CDC20: variants seen among roughly 807,000 people sequenced by gnomAD.
The protein encoded by CDC20 is cell division cycle protein 20 homolog.
Under a neutral mutation model 60.0 loss-of-function variants are expected in CDC20, and 34 were observed. The observed-to-expected ratio is 0.57, with a 90% CI of 0.43 to 0.75. The LOEUF (loss-of-function observed/expected upper bound fraction) is 0.75, where lower values mean the gene tolerates loss of function less well. CDC20 is among the 30% of genes least tolerant of loss of function. CDC20 has a pLI of 0.00. For missense variants in CDC20, 469 were observed against 647.3 expected (o/e 0.72, Z 2.99); for synonymous variants, 198 against 243.5 (o/e 0.81, Z 1.74).
chr1:43,359,516 A>T lies in CDC20; in HGVS notation c.208A>T (p.Thr70Ser). Residue 70 changes from threonine to serine, a missense_variant, in exon 3 of 11, where the codon ACT (threonine) becomes TCT (serine). Physicochemically the swap from Thr to Ser is moderately conservative, Grantham distance 58. Transcript: ENST00000310955. ...PGKSSSKVQT[T>S]PSKPGGDRYI... is the part of the protein sequence containing the mutation. ...CAAATCCAGTTCCAAGGTTCAGACC[A>T]CTCCTAGCAAACCTGGCGGTGACCG... The T allele has an allele frequency of 6.2e-7, 1 of 1,613,928 alleles. No homozygotes were observed. The highest frequency in any genetic ancestry group is 1.1e-5 in the South Asian group (1 of 91,060).
rs1557472861 is a variant in CDC20, at chr1:43,359,336, TCACC to T, written c.124_127del (p.Pro42CysfsTer53). 1 of 1,612,972 alleles carries T rather than the reference TCACC, an allele frequency of 6.2e-7. No individual in the cohort carries two copies. ...CAAGGAAGCCGCAGGCCCGGCCCCC[TCACC>T]CATGCGGGCCGCCAACCGATCCCAC... is the stretch of plus-strand genomic sequence containing the variant. On this transcript the variant is annotated frameshift_variant, in exon 2 of 11. Transcript: ENST00000310955. LOFTEE classifies it high-confidence loss of function.
intron 9 of CDC20, 29 bp downstream of exon 9, chr1:43,361,274 C>T (rs762420960): frequency 4.5e-6 from 7 of 1,543,848 alleles, no homozygotes; most frequent in South Asian, 1.2e-5. Context: ...CTGCCTCTCC[C>T]ACATGCATTC....
In CDC20 at chr1:43,361,927, T is replaced by C. The variant is rs995126810; in HGVS notation, c.1204-268T>C. 2.6e-5 allele frequency among the ~76,000 whole-genome samples: 4 copies of C among 152,232 alleles called. No homozygotes were observed. The East Asian group carries it at 7.7e-4, about 29-fold the overall frequency. On this transcript the variant is annotated intron_variant, in intron 9 of 10. Coordinates refer to ENST00000310955, the MANE Select transcript of CDC20 (RefSeq NM_001255.3). ...CTTGAATGTGACCTTTGGCAACCTA[T>C]TGAACTTCCTTCTGATTGATTCCTC... is the stretch of plus-strand genomic sequence containing the variant.
At chr1:43,362,416 G>A (rs570640580) in intron 10 of CDC20, 104 bp downstream of exon 10, 3 of 637,644 alleles carry the variant, frequency 4.7e-6, no homozygotes, top group East Asian at 5.5e-5. Flanking sequence ...TGGTTGCCAG[G>A]GGCTGAGAGA....
In CDC20 at chr1:43,360,402, C is replaced by T. The variant is rs1037675832; in HGVS notation, c.753+13C>T. 7 of 1,613,288 alleles carry T rather than the reference C, an allele frequency of 4.3e-6. No individual in the cohort carries two copies. The Admixed American group carries it at 6.7e-5, about 15-fold the overall frequency. On this transcript the variant is annotated intron_variant, in intron 6 of 10. Transcript: ENST00000310955. Reference sequence around the variant, plus strand: ...TGCTGAGGTGCAGGTGAGACGTGTCCAGTGCTGTCATTCTCACCAGTCCCA... The same window carrying T: ...TGCTGAGGTGCAGGTGAGACGTGTCTAGTGCTGTCATTCTCACCAGTCCCA...
chr1:43,362,568 A>G lies in CDC20; in HGVS notation c.1321+256A>G, dbSNP rs201066911. On this transcript the variant is annotated intron_variant, in intron 10 of 10. Transcript: ENST00000310955. ...GAATTATATCTCAGTAACACCATTG[A>G]AAAAAAAGGGAGGAGGCCAGGCACG... Among the ~76,000 whole-genome samples the G allele has an allele frequency of 6.3e-4, 96 of 152,194 alleles. No homozygotes were observed. In the East Asian group the frequency reaches 0.016, roughly 26 times the overall value.
At position 43,360,397 on chromosome 1, in the gene CDC20, G is replaced by A. The variant is rs201116366; in HGVS notation, c.753+8G>A. ...AGCAGTGCTGAGGTGCAGGTGAGAC[G>A]TGTCCAGTGCTGTCATTCTCACCAG... On this transcript the variant is annotated splice_region_variant and intron_variant, in intron 6 of 10. Coordinates refer to ENST00000310955, the MANE Select transcript of CDC20 (RefSeq NM_001255.3). 4.6e-5 allele frequency: 75 copies of A among 1,613,708 alleles called. No individual in the cohort carries two copies. The highest frequency in any genetic ancestry group is 6.1e-5 in the Non-Finnish European group (72 of 1,179,578).
At position 43,360,908 on chromosome 1, in the gene CDC20, G is replaced by A; in HGVS notation, c.1024G>A (p.Glu342Lys). Residue 342 changes from glutamate (E) to lysine (K), a missense_variant, in exon 8 of 11, where the codon GAG (glutamate) becomes AAG (lysine). Transcript: ENST00000310955. Reference protein sequence around the residue: ...LVNVWPSAPGEGGWVPLQTFT... With the variant: ...LVNVWPSAPGKGGWVPLQTFT... ...CAATGTGTGGCCTAGTGCTCCTGGA[G>A]AGGGTGGCTGGGTTCCTCTGCAGAC... is the stretch of plus-strand genomic sequence containing the variant. The A allele has an allele frequency of 6.2e-7, 1 of 1,614,176 alleles. No individual in the cohort carries two copies. The highest frequency in any genetic ancestry group is 8.5e-7 in the Non-Finnish European group (1 of 1,180,032).
intron 9 of CDC20, among the ~76,000 whole-genome samples, 159 bp downstream of exon 9, chr1:43,361,404 A>G (rs1368990839): frequency 6.6e-6 from 1 of 152,128 alleles, no homozygotes; most frequent in African/African-American, 2.4e-5. Context: ...GCTATCTCCA[A>G]TCCTATGTCC....
chr1:43,361,317 C>T (rs1647171809), intron 9 of CDC20, 72 bp downstream of exon 9: 9 of 1,410,488 alleles, frequency 6.4e-6, no homozygotes, highest in South Asian at 1.4e-5. Context: ...CCAATGGCTT[C>T]ACCAACTCTA....
intron 8 of CDC20, 26 bp from the exon 9 acceptor site, chr1:43,361,094 G>A (rs1026424195): frequency 6.2e-7 from 1 of 1,613,930 alleles, no homozygotes; most frequent in African/African-American, 1.3e-5. Context: ...TCTAGTACCT[G>A]CTGACCCCAC....
rs1647178806 is a variant in CDC20 at position 43,362,836 on chromosome 1, G to A, written c.1322-115G>A. On this transcript the variant is annotated intron_variant, in intron 10 of 10. Transcript: ENST00000310955. ...GCCAAGATTGCGCCACTGCACTCCA[G>A]CCTGGGTGACAGAGCAAGTCTCAAA... The A allele has an allele frequency of 5.3e-6, 4 of 754,546 alleles. No homozygotes were observed. In the Admixed American group the frequency reaches 8.3e-5, roughly 16 times the overall value. The allele number at this position is 754,546 out of a possible 1,614,324, so 46.7% of individuals were successfully genotyped here. A position where few individuals can be genotyped will look rare whatever the true frequency, so the allele number is the denominator to read the frequency against.
Position 43,359,656 on chromosome 1 carries a change from G to A in CDC20, c.330+18G>A, listed in dbSNP as rs756805608. 4.3e-6 allele frequency: 7 copies of A among 1,613,786 alleles called. No homozygotes were observed. The highest frequency in any genetic ancestry group is 5.1e-6 in the Non-Finnish European group (6 of 1,180,012). On this transcript the variant is annotated intron_variant, in intron 3 of 10. Coordinates refer to ENST00000310955, the MANE Select transcript of CDC20 (RefSeq NM_001255.3). ...CCAAGAAGGTATGTGTCCCAGAGGG[G>A]CTTAAGGCACGGGACCTGACTGTTC...
Position 43,360,775 on chromosome 1 carries a change from A to G in CDC20, c.891A>G (p.Val297=), listed in dbSNP as rs1327826905. Residue 297 remains valine, a synonymous_variant, in exon 8 of 11, where the codon GTA becomes GTG. Transcript: ENST00000310955. ...ACATCCACCACCATGATGTTCGGGT[A>G]GCAGAACACCATGTGGCCACACTGA... ...SGHIHHHDVR[V]AEHHVATLSG... is the part of the protein sequence containing the mutation. The G allele has an allele frequency of 1.2e-6, 2 of 1,614,162 alleles. No homozygotes were observed. The highest frequency in any genetic ancestry group is 3.3e-5 in the Admixed American group (2 of 60,032).
At position 43,359,772 on chromosome 1, in the gene CDC20, G is replaced by T. The variant is rs955308856; in HGVS notation, c.378G>T (p.Glu126Asp). 4.3e-6 allele frequency: 7 copies of T among 1,613,946 alleles called. No individual in the cohort carries two copies. The highest frequency in any genetic ancestry group is 5.9e-6 in the Non-Finnish European group (7 of 1,180,044). ...WALNLNGFDV[E>D]EAKILRLSGK... is the part of the protein sequence containing the mutation. ...TGAACCTGAACGGTTTTGATGTAGA[G>T]GAAGCCAAGATCCTTCGGCTCAGTG... The change falls in exon 4 of 11, where the codon GAG (glutamate) becomes GAT (aspartate). Residue 126 changes from glutamate to aspartate, a missense_variant. Glu to Asp is a conservative substitution (Grantham distance 45). This residue lies in a region of CDC20 where 7 missense variants were observed against 30.8 expected (regional missense o/e 0.23). Transcript: ENST00000310955.
At position 43,363,096 on chromosome 1, in the gene CDC20, C is replaced by T. The variant is rs1422574843; in HGVS notation, c.1467C>T (p.Ala489=). 1 of 1,612,962 alleles carries T rather than the reference C, an allele frequency of 6.2e-7. No homozygotes were observed. The highest frequency in any genetic ancestry group is 1.1e-5 in the South Asian group (1 of 90,816). ...RRREREKASA[A]KSSLIHQGIR is the part of the protein sequence containing the mutation. ...GGGAGCGGGAGAAGGCCAGTGCAGC[C>T]AAAAGCAGCCTCATCCACCAAGGCA... Residue 489 remains alanine, a synonymous_variant, in exon 11 of 11, where the codon GCC becomes GCT. Transcript: ENST00000310955.
intron 9 of CDC20, 143 bp downstream of exon 9, chr1:43,361,388 T>C: frequency 1.3e-6 from 1 of 796,824 alleles, no homozygotes; most frequent in Non-Finnish European, 2.0e-6. Context: ...TTTCCAACAG[T>C]CTGTGGCTAT....
Position 43,360,009 on chromosome 1 carries a change from C to A in CDC20, c.468C>A (p.Ala156=). ...NRLKVLYSQK[A]TPGSSRKTCR... The stretch of plus-strand genomic sequence containing the variant: ...TGAAAGTACTCTACAGCCAAAAGGC[C>A]ACTCCTGGCTCCAGCCGGAAGACCT... Residue 156 remains alanine, a synonymous_variant, in exon 5 of 11, where the codon GCC becomes GCA. Transcript: ENST00000310955. 1 of 1,614,064 alleles carries A rather than the reference C, an allele frequency of 6.2e-7. No homozygotes were observed.
In CDC20 at chr1:43,360,243, G is replaced by A; in HGVS notation, c.607G>A (p.Asp203Asn). The change falls in exon 6 of 11, where the codon GAC becomes AAC. Residue 203 changes from aspartate (D) to asparagine (N), a missense_variant. Asp to Asn is a conservative substitution (Grantham distance 23). This residue lies in a region of CDC20 where 255 missense variants were observed against 326.7 expected (regional missense o/e 0.78). Transcript: ENST00000310955. ...SSGNVLAVAL[D>N]NSVYLWSASS... is the part of the protein sequence containing the mutation. ...TGGGAATGTACTGGCCGTGGCACTG[G>A]ACAACAGTGTGTACCTGTGGAGTGC... The A allele has an allele frequency of 6.2e-7, 1 of 1,614,206 alleles. No individual in the cohort carries two copies. The highest frequency in any genetic ancestry group is 8.5e-7 in the Non-Finnish European group (1 of 1,180,040).
Sources: gnomAD v4.1 joint callset for allele counts (sites outside exome capture counted in the v4.1 genomes callset) on GRCh38, gnomAD v4.1.1 for gene constraint, gnomAD v4.1.1 regional missense constraint, MANE v1.5 for transcripts, NCBI Gene and HGNC (gene_info 2026-07-23, HGNC 2026-07-21) for gene names.